DIAPH3: variants seen among roughly 807,000 people sequenced by gnomAD.
DIAPH3 encodes protein diaphanous homolog 3.
Under a neutral mutation model 144.3 loss-of-function variants are expected in DIAPH3, and 117 were observed. The ratio of observed to expected loss-of-function variants is 0.81; its 90% CI spans 0.70 to 0.95. DIAPH3 has a LOEUF of 0.95. DIAPH3 is among the 40% of genes least tolerant of loss of function. DIAPH3 has a pLI of 0.00. For synonymous variants in DIAPH3, 519 were observed against 488.9 expected, an observed-to-expected ratio of 1.06 and a Z score of -0.81; for missense variants, 1,421 against 1,412.7, an observed-to-expected ratio of 1.01 and a Z score of -0.09.
At chr13:59,757,697 G>T (rs1593768879) in intron 27 of DIAPH3, among the ~76,000 whole-genome samples, 1 of 152,114 alleles carries the variant, frequency 6.6e-6, no homozygotes, top group East Asian at 1.9e-4. Context: ...ACCGCGCCCG[G>T]CCTATTATGG....
rs572674987 is a variant in DIAPH3, at chr13:59,773,062, C to A, written c.3319+1127G>T. On this transcript the variant is annotated intron_variant, in intron 27 of 27. Transcript: ENST00000400324. ...ATGTCACAATGGCTCTAAATCATAA[C>A]CCTAAATTTAGGAATTACTTAATTA... Among the ~76,000 whole-genome samples, 4 of 152,130 alleles carry A rather than the reference C, an allele frequency of 2.6e-5. No homozygotes were observed. The East Asian group carries it at 7.7e-4, about 29-fold the overall frequency.
intron 17 of DIAPH3, among the ~76,000 whole-genome samples, chr13:59,957,498 G>T (rs1349816157): frequency 6.6e-6 from 1 of 152,078 alleles, no homozygotes; most frequent in Non-Finnish European, 1.5e-5. Context: ...GAACTCTGAG[G>T]CCATTAAACC....
chr13:60,140,440 A>G (rs2059400803), intron 1 of DIAPH3, among the ~76,000 whole-genome samples: 1 of 152,198 alleles, frequency 6.6e-6, no homozygotes, highest in South Asian at 2.1e-4. Context: ...TTCCCCAAAC[A>G]TAGGAAAGAT....
intron 5 of DIAPH3, among the ~76,000 whole-genome samples, chr13:60,036,609 C>T (rs963571387): frequency 4.6e-5 from 7 of 152,068 alleles, no homozygotes; most frequent in Admixed American, 3.3e-4. Context: ...AAAAGAAATA[C>T]ACCCAATAAA....
At chr13:59,736,391 T>C (rs1394454032) in intron 27 of DIAPH3, among the ~76,000 whole-genome samples, 4 of 152,180 alleles carry the variant, frequency 2.6e-5, no homozygotes, top group African/African-American at 4.8e-5. Context: ...GCTGAGCTAA[T>C]TTACACTTCC....
intron 17 of DIAPH3, among the ~76,000 whole-genome samples, chr13:59,933,545 A>G (rs375265213): frequency 6.6e-6 from 1 of 152,040 alleles, no homozygotes; most frequent in African/African-American, 2.4e-5. Context: ...ATAACATGAA[A>G]CTCTGAATCA....
In DIAPH3 at chr13:59,775,481, A is replaced by G. The variant is rs568218775; in HGVS notation, c.3164-658T>C. On this transcript the variant is annotated intron_variant, in intron 25 of 27. Coordinates refer to ENST00000400324, the MANE Select transcript of DIAPH3 (RefSeq NM_001042517.2). ...ACGGTCTCCATCTCCTGACCTCATG[A>G]TCTGCCCGCCTCAGACTACCAAAGT... Among the ~76,000 whole-genome samples the G allele has an allele frequency of 2.6e-5, 4 of 152,212 alleles. No homozygotes were observed. In the East Asian group the frequency reaches 7.7e-4, roughly 29 times the overall value.
At chr13:59,919,099 TA>T (rs933303007) in intron 18 of DIAPH3, among the ~76,000 whole-genome samples, 3 of 151,658 alleles carry the variant, frequency 2.0e-5, no homozygotes, top group Non-Finnish European at 4.4e-5. Context: ...TCTGTAAACT[TA>T]AAGACAGTTT....
At chr13:59,997,881 G>A (rs766530085) in intron 9 of DIAPH3, among the ~76,000 whole-genome samples, 7 of 152,068 alleles carry the variant, frequency 4.6e-5, no homozygotes, top group Non-Finnish European at 1.0e-4. Flanking sequence ...AGCTTCAGGA[G>A]CTAAATCCAG....
At chr13:60,041,105 A>G (rs2055632928) in intron 5 of DIAPH3, among the ~76,000 whole-genome samples, 1 of 145,718 alleles carries the variant, frequency 6.9e-6, no homozygotes, top group South Asian at 2.2e-4. Context: ...TGAGCCTGTA[A>G]TATATATTTT....
At chr13:60,108,393 G>A (rs934131476) in intron 3 of DIAPH3, among the ~76,000 whole-genome samples, 4 of 152,062 alleles carry the variant, frequency 2.6e-5, no homozygotes, top group African/African-American at 7.2e-5. Context: ...TGGATCACTT[G>A]AGGTCAGGAA....
At chr13:60,039,987 G>A (rs1366855114) in intron 5 of DIAPH3, among the ~76,000 whole-genome samples, 1 of 151,950 alleles carries the variant, frequency 6.6e-6, no homozygotes, top group Non-Finnish European at 1.5e-5. Flanking sequence ...TGGAATCCCA[G>A]CACTTTGGGA....
At chr13:60,076,044 C>T (rs976828800) in intron 4 of DIAPH3, among the ~76,000 whole-genome samples, 8 of 152,246 alleles carry the variant, frequency 5.3e-5, no homozygotes, top group Admixed American at 2.6e-4. Context: ...ACAGTCAATG[C>T]CTTCTGAAAG....
intron 2 of DIAPH3, among the ~76,000 whole-genome samples, chr13:60,123,363 G>C (rs1438202041): frequency 1.3e-5 from 2 of 152,126 alleles, no homozygotes; most frequent in African/African-American, 2.4e-5. Context: ...AATTATTAAT[G>C]AATGAGTGGA....
At chr13:59,749,389 G>A (rs1039097796) in intron 27 of DIAPH3, among the ~76,000 whole-genome samples, 2 of 144,060 alleles carry the variant, frequency 1.4e-5, no homozygotes, top group African/African-American at 2.6e-5. Flanking sequence ...GCGTGGTGGT[G>A]GGCACCTGTA....
chr13:59,847,080 A>G (rs1024816813), intron 22 of DIAPH3, among the ~76,000 whole-genome samples: 1 of 152,158 alleles, frequency 6.6e-6, no homozygotes, highest in Non-Finnish European at 1.5e-5. Flanking sequence ...TCTTGTCTCA[A>G]AAAAAAGAAA....
intron 12 of DIAPH3, among the ~76,000 whole-genome samples, chr13:59,986,972 T>C (rs1186665600): frequency 1.3e-5 from 2 of 151,544 alleles, no homozygotes; most frequent in African/African-American, 2.4e-5. Context: ...ATCCCATTAC[T>C]GGGTATATAC....
At chr13:59,964,584 T>C (rs2049948778) in intron 17 of DIAPH3, among the ~76,000 whole-genome samples, 1 of 152,132 alleles carries the variant, frequency 6.6e-6, no homozygotes, top group Non-Finnish European at 1.5e-5. Context: ...CAAGTCTTCC[T>C]TGGCTCCAAG....
intron 21 of DIAPH3, among the ~76,000 whole-genome samples, chr13:59,871,843 C>T (rs2044299405): frequency 1.3e-5 from 2 of 152,124 alleles, no homozygotes; most frequent in Non-Finnish European, 1.5e-5. Flanking sequence ...CTATCAAGGT[C>T]CATTTCATCT....
Sources: gnomAD v4.1 joint callset for allele counts (sites outside exome capture counted in the v4.1 genomes callset) on GRCh38, gnomAD v4.1.1 for gene constraint, MANE v1.5 for transcripts, NCBI Gene and HGNC (gene_info 2026-07-23, HGNC 2026-07-21) for gene names.